Variants in CNTLN observed in about 807,000 individuals in gnomAD.
The protein encoded by CNTLN is centlein, also known as centlein, centrosomal protein.
In CNTLN, 212 loss-of-function variants were observed where a neutral mutation model predicts 180.0. That is an observed-to-expected ratio of 1.18 (90% CI 1.05 to 1.32). The LOEUF (loss-of-function observed/expected upper bound fraction) is 1.32. Among genes scored for constraint, CNTLN ranks in the 40% most tolerant of loss-of-function variants. The probability of loss-of-function intolerance (pLI) is 0.00; values close to 1 mark genes in which losing one functional copy is unlikely to be tolerated. For synonymous variants in CNTLN, 722 were observed against 563.1 expected, an observed-to-expected ratio of 1.28 and a Z score of -3.99; for missense variants, 2,095 against 1,610.9, an observed-to-expected ratio of 1.30 and a Z score of -5.14.
chr9:17,439,869 C>G (rs1830003715), intron 18 of CNTLN, among the ~76,000 whole-genome samples: 1 of 152,200 alleles, frequency 6.6e-6, no homozygotes, highest in African/African-American at 2.4e-5. Context: ...ATGGCCTCAC[C>G]AGACACCAGA....
At chr9:17,184,202 T>C (rs753465520) in intron 2 of CNTLN, among the ~76,000 whole-genome samples, 6 of 152,282 alleles carry the variant, frequency 3.9e-5, no homozygotes, top group Non-Finnish European at 7.4e-5. Context: ...AACGGACTTA[T>C]TCGAATCATA....
chr9:17,422,340 TTAAG>T (rs1828779812), intron 18 of CNTLN, among the ~76,000 whole-genome samples: 1 of 152,118 alleles, frequency 6.6e-6, no homozygotes, highest in South Asian at 2.1e-4. Context: ...ATTTTGATTA[TTAAG>T]TGCCTTGAGG....
intron 2 of CNTLN, among the ~76,000 whole-genome samples, chr9:17,194,622 A>T (rs1195368688): frequency 2.6e-5 from 4 of 152,198 alleles, no homozygotes; most frequent in Non-Finnish European, 4.4e-5. Context: ...GTCTCTAGGA[A>T]GTTCCAAACT....
At chr9:17,155,962 A>G (rs1359046839) in intron 2 of CNTLN, among the ~76,000 whole-genome samples, 1 of 152,056 alleles carries the variant, frequency 6.6e-6, no homozygotes, top group Non-Finnish European at 1.5e-5. Context: ...TCAGTCCTTC[A>G]TGGCTTCCCT....
intron 20 of CNTLN, among the ~76,000 whole-genome samples, chr9:17,463,881 C>T (rs1278212690): frequency 2.0e-5 from 3 of 151,394 alleles, no homozygotes; most frequent in African/African-American, 4.8e-5. Context: ...ATAACAGTGA[C>T]TGGAACATTG....
rs1200085251 is a variant in CNTLN, at chr9:17,366,654, C to T, written c.1924C>T (p.His642Tyr). Residue 642 changes from histidine (H) to tyrosine (Y), a missense_variant, in exon 13 of 26, where the codon CAT becomes TAT. His to Tyr is a moderately conservative substitution (Grantham distance 83, BLOSUM62 2). Transcript: ENST00000380647. Reference sequence around the variant, plus strand: ...AGAAGAATTAGATGAACTTAAAGTACATATATCTATTGATAAGGCAGCAAT... The same window carrying T: ...AGAAGAATTAGATGAACTTAAAGTATATATATCTATTGATAAGGCAGCAAT... ...LEEELDELKV[H>Y]ISIDKAAIQE... 6.3e-7 allele frequency: 1 copy of T among 1,581,322 alleles called. No homozygotes were observed. Among genetic ancestry groups the T allele is most frequent in the Admixed American group, 1.7e-5 (1 of 57,806 alleles).
chr9:17,502,812 T>C lies in CNTLN; in HGVS notation c.*160T>C. 2.6e-6 allele frequency: 1 copy of C among 391,990 alleles called. No homozygotes were observed. Among genetic ancestry groups the C allele is most frequent in the East Asian group, 4.6e-5 (1 of 21,544 alleles). 24.3% of individuals were successfully genotyped at this position (391,990 alleles called of 1,614,324 possible). ...TGAAAATAATTAATTGCTGAACAAG[T>C]GAAACTAATTAAGTACATAGCCATT... On this transcript the variant is annotated 3_prime_UTR_variant, in exon 26 of 26. Transcript: ENST00000380647.
intron 13 of CNTLN, among the ~76,000 whole-genome samples, chr9:17,367,397 A>T (rs1419506509): frequency 1.0e-5 from 1 of 97,794 alleles, no homozygotes; most frequent in Non-Finnish European, 2.4e-5. Flanking sequence ...GCTCTATATA[A>T]ACTTAAAAGA....
chr9:17,160,565 C>A (rs1325484024), intron 2 of CNTLN, among the ~76,000 whole-genome samples: 1 of 152,158 alleles, frequency 6.6e-6, no homozygotes, highest in Non-Finnish European at 1.5e-5. Context: ...TCCTCTGTGT[C>A]CTTAACTTTC....
intron 15 of CNTLN, among the ~76,000 whole-genome samples, chr9:17,406,490 A>C (rs1466618339): frequency 1.3e-5 from 2 of 150,958 alleles, no homozygotes; most frequent in Non-Finnish European, 2.9e-5. Context: ...AAAACAACCA[A>C]CTCCCTCTCC....
chr9:17,396,944 T>C (rs1297888264), intron 15 of CNTLN, among the ~76,000 whole-genome samples: 1 of 152,158 alleles, frequency 6.6e-6, no homozygotes, highest in Non-Finnish European at 1.5e-5. Context: ...CTTCTCTCAA[T>C]AGCAATTAGA....
At chr9:17,454,439 TGTGTAGTA>T (rs1322479923) in intron 18 of CNTLN, among the ~76,000 whole-genome samples, 1 of 152,214 alleles carries the variant, frequency 6.6e-6, no homozygotes, top group Non-Finnish European at 1.5e-5. Context: ...CTTCAATACC[TGTGTAGTA>T]GTGTAGGAGG....
chr9:17,342,956 G>C (rs1821603328), intron 12 of CNTLN, among the ~76,000 whole-genome samples: 1 of 152,182 alleles, frequency 6.6e-6, no homozygotes, highest in Non-Finnish European at 1.5e-5. Flanking sequence ...AGAACTGCCT[G>C]TTAAGGGTCT....
At chr9:17,265,502 C>CT (rs201744575) in intron 5 of CNTLN, among the ~76,000 whole-genome samples, 10 of 151,714 alleles carry the variant, frequency 6.6e-5, no homozygotes, top group South Asian at 4.2e-4. Context: ...CTAAAATTCT[C>CT]TTTTTTTTGT....
intron 13 of CNTLN, among the ~76,000 whole-genome samples, chr9:17,387,429 T>G (rs1825765591): frequency 6.6e-6 from 1 of 152,180 alleles, no homozygotes; most frequent in Non-Finnish European, 1.5e-5. Flanking sequence ...AAAAAGTTAT[T>G]TATAGGATTT....
At chr9:17,247,631 A>G (rs1276666872) in intron 5 of CNTLN, among the ~76,000 whole-genome samples, 1 of 152,100 alleles carries the variant, frequency 6.6e-6, no homozygotes, top group African/African-American at 2.4e-5. Flanking sequence ...TTAAGAAGGT[A>G]CTTTTTTGTG....
intron 5 of CNTLN, among the ~76,000 whole-genome samples, chr9:17,266,616 CT>C (rs1827471387): frequency 6.6e-6 from 1 of 152,084 alleles, no homozygotes; most frequent in African/African-American, 2.4e-5. Flanking sequence ...TCTCGTTGAT[CT>C]GTTTAGTGTT....
chr9:17,435,442 A>C (rs907143258), intron 18 of CNTLN, among the ~76,000 whole-genome samples: 7 of 152,180 alleles, frequency 4.6e-5, no homozygotes, highest in Non-Finnish European at 8.8e-5. Flanking sequence ...AAGATAACAC[A>C]CTGTCACAAT....
At chr9:17,251,160 G>T (rs939823629) in intron 5 of CNTLN, among the ~76,000 whole-genome samples, 1 of 151,918 alleles carries the variant, frequency 6.6e-6, no homozygotes, top group Non-Finnish European at 1.5e-5. Context: ...CTTCTTTCTT[G>T]CTACTTTGAA....
Sources: gnomAD v4.1 joint callset for allele counts (sites outside exome capture counted in the v4.1 genomes callset) on GRCh38, gnomAD v4.1.1 for gene constraint, MANE v1.5 for transcripts, NCBI Gene and HGNC (gene_info 2026-07-23, HGNC 2026-07-21) for gene names.